Variants in PHACTR3 observed in about 807,000 individuals in gnomAD.
PHACTR3 encodes the protein protein phosphatase 1, regulatory subunit 123.
A neutral mutation model predicts 66.8 loss-of-function variants in PHACTR3; 16 were observed. That is an observed-to-expected ratio of 0.24 (90% CI 0.16 to 0.36). The LOEUF (loss-of-function observed/expected upper bound fraction) is 0.36. Among genes scored for constraint, PHACTR3 ranks in the 10% least tolerant of loss-of-function variants. PHACTR3 has a pLI of 1.00. For synonymous variants in PHACTR3, 323 were observed against 292.1 expected, an observed-to-expected ratio of 1.11 and a Z score of -1.08; for missense variants, 647 against 719.9, an observed-to-expected ratio of 0.90 and a Z score of 1.16.
At chr20:59,665,194 G>A (rs942743927) in intron 1 of PHACTR3, among the ~76,000 whole-genome samples, 5 of 152,162 alleles carry the variant, frequency 3.3e-5, no homozygotes, top group South Asian at 2.1e-4. Context: ...ACCATTTTCA[G>A]TGTGATTACT....
At chr20:59,657,661 G>A (rs1294170748) in intron 1 of PHACTR3, among the ~76,000 whole-genome samples, 1 of 152,050 alleles carries the variant, frequency 6.6e-6, no homozygotes, top group African/African-American at 2.4e-5. Flanking sequence ...ACTTCTGATA[G>A]AAGTCTGCTG....
intron 7 of PHACTR3, 33 bp from the exon 8 acceptor site, chr20:59,806,008 C>T (rs1391174982): frequency 2.5e-6 from 4 of 1,601,292 alleles, no homozygotes; most frequent in Non-Finnish European, 3.4e-6. Context: ...CCTTTGTTCC[C>T]TTCTCTCCTC....
chr20:59,671,908 C>T lies in PHACTR3; in HGVS notation c.118+66776C>T, dbSNP rs117200746. On this transcript the variant is annotated intron_variant, in intron 1 of 12. Transcript: ENST00000371015. Reference sequence around the variant, plus strand: ...TACCTGTGTATCCAGCCTGGCCTCTCTAGGACATCTGCATCTGGTCCTTGG... The same window carrying T: ...TACCTGTGTATCCAGCCTGGCCTCTTTAGGACATCTGCATCTGGTCCTTGG... Among the ~76,000 whole-genome samples the T allele has an allele frequency of 4.5e-3, 691 of 152,348 alleles. 1 individual carries two copies. Among genetic ancestry groups the T allele is most frequent in the Middle Eastern group, 6.8e-3 (2 of 294 alleles).
At chr20:59,772,421 C>T (rs563695639) in intron 5 of PHACTR3, among the ~76,000 whole-genome samples, 48 of 152,284 alleles carry the variant, frequency 3.2e-4, no homozygotes, top group Non-Finnish European at 6.5e-4. Flanking sequence ...GACTGGGCAG[C>T]GTGATTCACT....
intron 1 of PHACTR3, among the ~76,000 whole-genome samples, chr20:59,642,458 G>C (rs1022485432): frequency 1.4e-5 from 2 of 141,428 alleles, no homozygotes; most frequent in Non-Finnish European, 3.0e-5. Context: ...TTTTGTGTGT[G>C]TTCCTCCAGT....
rs1010144825 is a variant in PHACTR3 at position 59,847,294 on chromosome 20, A to T, written c.*164A>T. ...GCAATCTTGACCACACTTACCTGCAAGAGGAGTAACCAGAGGACACACTTC... is the reference window on the plus strand; with the variant it reads ...GCAATCTTGACCACACTTACCTGCATGAGGAGTAACCAGAGGACACACTTC... On this transcript the variant is annotated 3_prime_UTR_variant, in exon 13 of 13. Transcript: ENST00000371015. 4.0e-6 allele frequency: 2 copies of T among 502,618 alleles called. No individual in the cohort carries two copies. The highest frequency in any genetic ancestry group is 3.8e-5 in the African/African-American group (2 of 53,132). The allele number at this position is 502,618 out of a possible 1,614,324, so 31.1% of individuals were successfully genotyped here.
chr20:59,800,927 C>T (rs1357092550), intron 7 of PHACTR3, among the ~76,000 whole-genome samples: 1 of 152,178 alleles, frequency 6.6e-6, no homozygotes, highest in Non-Finnish European at 1.5e-5. Context: ...ACCCCGTGTA[C>T]TCTATTCAAT....
At chr20:59,771,032 C>T (rs1356953433) in intron 5 of PHACTR3, among the ~76,000 whole-genome samples, 1 of 152,146 alleles carries the variant, frequency 6.6e-6, no homozygotes, top group Admixed American at 6.5e-5. Flanking sequence ...CAAGTGGTCC[C>T]CTGCACAAGC....
intron 1 of PHACTR3, among the ~76,000 whole-genome samples, chr20:59,624,497 A>C (rs910923164): frequency 1.3e-5 from 2 of 152,022 alleles, no homozygotes; most frequent in Non-Finnish European, 2.9e-5. Context: ...GATGCTGCTG[A>C]TCTGAGGACA....
Position 59,784,708 on chromosome 20 carries a change from C to T in PHACTR3, c.1174+10218C>T, listed in dbSNP as rs183223622. On this transcript the variant is annotated intron_variant, in intron 7 of 12. Transcript: ENST00000371015. ...AAGTGTGAAGCCTCTGAGGGTTGTC[C>T]CAAGTCACTCACCTCCTGGCTATGT... Among the ~76,000 whole-genome samples the T allele has an allele frequency of 2.0e-5, 3 of 152,278 alleles. No individual in the cohort carries two copies. The East Asian group carries it at 5.8e-4, about 29-fold the overall frequency.
chr20:59,735,082 G>A (rs1385248299), intron 1 of PHACTR3, among the ~76,000 whole-genome samples: 2 of 152,034 alleles, frequency 1.3e-5, no homozygotes, highest in Admixed American at 6.5e-5. Context: ...AAAGACAATG[G>A]TCTCCACGTA....
intron 4 of PHACTR3, among the ~76,000 whole-genome samples, chr20:59,756,412 C>T (rs992392846): frequency 7.2e-5 from 11 of 152,178 alleles, no homozygotes; most frequent in South Asian, 4.1e-4. Context: ...CCTCCGTGCC[C>T]GGGACTTCCT....
At chr20:59,774,154 G>GTGATA (rs1380956427) in intron 6 of PHACTR3, 89 bp from the exon 7 acceptor site, 5 of 1,493,006 alleles carry the variant, frequency 3.3e-6, no homozygotes, top group Non-Finnish European at 4.5e-6. Flanking sequence ...GGCTGCCTCT[G>GTGATA]TGATATTCAT....
At chr20:59,837,468 TC>T (rs1199658964) in intron 9 of PHACTR3, among the ~76,000 whole-genome samples, 2 of 152,190 alleles carry the variant, frequency 1.3e-5, no homozygotes, top group African/African-American at 4.8e-5. Context: ...TTTCTTTGCC[TC>T]AGTGCCTTCA....
chr20:59,662,332 G>A lies in PHACTR3; in HGVS notation c.118+57200G>A, dbSNP rs147212655. 7.6e-3 allele frequency among the ~76,000 whole-genome samples: 1,160 copies of A among 152,216 alleles called. 16 individuals carry two copies. The highest frequency in any genetic ancestry group is 0.024 in the African/African-American group (1,005 of 41,508). On this transcript the variant is annotated intron_variant, in intron 1 of 12. Transcript: ENST00000371015. ...GGGGTGGGGTGGGGGACACAGAGGCGGATTCTATGAGGAAGCAGCCTTTAC... is the reference window on the plus strand; with the variant it reads ...GGGGTGGGGTGGGGGACACAGAGGCAGATTCTATGAGGAAGCAGCCTTTAC...
chr20:59,592,809 T>C (rs1054208400), intron 1 of PHACTR3, among the ~76,000 whole-genome samples: 1 of 151,642 alleles, frequency 6.6e-6, no homozygotes, highest in African/African-American at 2.4e-5. Flanking sequence ...TTCCTCCATA[T>C]AATTTCTTGG....
chr20:59,775,583 A>G (rs1237866328), intron 7 of PHACTR3, among the ~76,000 whole-genome samples: 1 of 152,180 alleles, frequency 6.6e-6, no homozygotes, highest in East Asian at 1.9e-4. Context: ...ACAACATGAA[A>G]GGGGTGGGGG....
intron 1 of PHACTR3, among the ~76,000 whole-genome samples, chr20:59,726,759 A>G (rs2038577346): frequency 6.6e-6 from 1 of 152,040 alleles, no homozygotes; most frequent in African/African-American, 2.4e-5. Context: ...TATGCTGTTG[A>G]CGGTTTGGAT....
chr20:59,719,638 T>C (rs2038219430), intron 1 of PHACTR3, among the ~76,000 whole-genome samples: 1 of 152,166 alleles, frequency 6.6e-6, no homozygotes, highest in South Asian at 2.1e-4. Context: ...CCTAGCTTAC[T>C]TGAAAGATTG....
Sources: allele counts gnomAD v4.1 joint callset (sites outside exome capture counted in the v4.1 genomes callset), GRCh38; gene constraint gnomAD v4.1.1; transcripts MANE v1.5; gene names NCBI Gene and HGNC (gene_info 2026-07-23, HGNC 2026-07-21).